FANCM: variants seen among roughly 807,000 people sequenced by gnomAD.
FANCM encodes the protein FA complementation group M, also known as Fanconi anemia group M protein.
Under a neutral mutation model 199.5 loss-of-function variants are expected in FANCM, and 140 were observed. That is an observed-to-expected ratio of 0.70 (90% CI 0.61 to 0.81). The LOEUF (loss-of-function observed/expected upper bound fraction) is 0.81. Ranked by LOEUF, FANCM falls within the 30% of genes least tolerant of loss-of-function variation. FANCM has a pLI of 0.00. For synonymous variants in FANCM, 840 were observed against 836.8 expected (o/e 1.00, Z -0.07); for missense variants, 2,410 against 2,421.4 (o/e 1.00, Z 0.10).
At position 45,159,244 on chromosome 14, in the gene FANCM, A is replaced by C. The variant is rs748414059; in HGVS notation, c.1545A>C (p.Lys515Asn). 6.2e-7 allele frequency: 1 copy of C among 1,613,846 alleles called. No individual in the cohort carries two copies. The highest frequency in any genetic ancestry group is 2.2e-5 in the East Asian group (1 of 44,868). ...VMTFVGHASG[K>N]STKGFTQKEQ... Reference sequence around the variant, plus strand: ...CTTTTGTCGGCCATGCCTCAGGGAAAAGCACGAAGGGTTTTACCCAGAAGG... The same window carrying C: ...CTTTTGTCGGCCATGCCTCAGGGAACAGCACGAAGGGTTTTACCCAGAAGG... Residue 515 changes from lysine to asparagine, a missense_variant, in exon 9 of 23, where the codon AAA becomes AAC. Coordinates refer to ENST00000267430, the MANE Select transcript of FANCM (RefSeq NM_020937.4).
intron 13 of FANCM, 142 bp from the exon 14 acceptor site, chr14:45,174,929 A>G (rs1330339398): frequency 5.2e-6 from 3 of 572,790 alleles, no homozygotes; most frequent in African/African-American, 3.8e-5. Context: ...ATTTATCGGA[A>G]TAACTTTTAA....
chr14:45,159,640 A>G (rs1887446318), intron 9 of FANCM, among the ~76,000 whole-genome samples: 1 of 152,168 alleles, frequency 6.6e-6, no homozygotes, highest in Non-Finnish European at 1.5e-5. Flanking sequence ...AAGAGATCTT[A>G]TTGTAGAGCC....
At chr14:45,199,743 C>A in intron 22 of FANCM, 127 bp from the exon 23 acceptor site, 2 of 792,472 alleles carry the variant, frequency 2.5e-6, no homozygotes, top group Non-Finnish European at 2.2e-6. Context: ...CAAGACATAT[C>A]AGCTGGGCGG....
intron 13 of FANCM, 53 bp downstream of exon 13, chr14:45,173,263 C>T: frequency 6.7e-7 from 1 of 1,482,310 alleles, no homozygotes; most frequent in African/African-American, 1.4e-5. Context: ...AACTAGAGTA[C>T]TTAGCTTTTA....
At chr14:45,154,306 C>T (rs1171049733) in intron 6 of FANCM, among the ~76,000 whole-genome samples, 9 of 149,930 alleles carry the variant, frequency 6.0e-5, no homozygotes, top group Non-Finnish European at 1.0e-4. Context: ...GAGACTGAGG[C>T]GGGAGAATCG....
chr14:45,192,995 T>A (rs1200199127), intron 20 of FANCM, among the ~76,000 whole-genome samples: 1 of 152,048 alleles, frequency 6.6e-6, no homozygotes. Flanking sequence ...CAAAAAAGAC[T>A]GAGAATGAGA....
At chr14:45,137,292 G>T (rs1207630630) in intron 2 of FANCM, 51 bp downstream of exon 2, 4 of 1,485,346 alleles carry the variant, frequency 2.7e-6, no homozygotes, top group East Asian at 4.5e-5. Context: ...CTGTTAAAGA[G>T]AATTTTGGCG....
intron 8 of FANCM, 40 bp downstream of exon 8, chr14:45,155,499 T>C (rs1188124204): frequency 1.9e-6 from 2 of 1,038,480 alleles, no homozygotes; most frequent in Non-Finnish European, 3.0e-6. Context: ...GACAAAGTTA[T>C]TGCAAGAGGT....
chr14:45,141,526 C>T (rs1356129041), intron 3 of FANCM, among the ~76,000 whole-genome samples: 11 of 137,370 alleles, frequency 8.0e-5, no homozygotes, highest in African/African-American at 2.9e-4. Context: ...CCTCCCCTTC[C>T]TCCTCCCTGT....
intron 6 of FANCM, 104 bp downstream of exon 6, chr14:45,154,156 T>G: frequency 1.2e-6 from 1 of 854,784 alleles, no homozygotes; most frequent in Non-Finnish European, 1.9e-6. Flanking sequence ...ATCCCAGCAC[T>G]TTGGGAAGCC....
chr14:45,158,976 T>A, intron 8 of FANCM, 120 bp from the exon 9 acceptor site: 1 of 686,398 alleles, frequency 1.5e-6, no homozygotes, highest in Non-Finnish European at 2.4e-6. Context: ...CCAGCTGAAT[T>A]ATTTTTTTGA....
intron 11 of FANCM, chr14:45,167,437 C>A: frequency 2.5e-6 from 1 of 395,286 alleles, no homozygotes; most frequent in Non-Finnish European, 4.6e-6. Flanking sequence ...AGAAAGAAAA[C>A]AGTTTTATTT....
At chr14:45,156,722 A>G (rs572740646) in intron 8 of FANCM, among the ~76,000 whole-genome samples, 7 of 152,182 alleles carry the variant, frequency 4.6e-5, no homozygotes, top group Admixed American at 4.6e-4. Flanking sequence ...AATCAAAACC[A>G]TCCTGGCCAA....
At chr14:45,144,511 T>C (rs149519249) in intron 3 of FANCM, among the ~76,000 whole-genome samples, 1 of 152,320 alleles carries the variant, frequency 6.6e-6, no homozygotes, top group Non-Finnish European at 1.5e-5. Flanking sequence ...CTTAGAAATC[T>C]ACCTTGTGCT....
At chr14:45,149,920 A>G (rs1014374531) in intron 4 of FANCM, among the ~76,000 whole-genome samples, 2 of 152,110 alleles carry the variant, frequency 1.3e-5, no homozygotes, top group African/African-American at 4.8e-5. Flanking sequence ...AACATCCTAC[A>G]ATGGATAGGA....
At chr14:45,181,971 C>T (rs187123899) in intron 16 of FANCM, among the ~76,000 whole-genome samples, 26 of 152,266 alleles carry the variant, frequency 1.7e-4, no homozygotes, top group Admixed American at 1.2e-3. Flanking sequence ...TTGAGCAATT[C>T]GGCAAGCATT....
intron 6 of FANCM, among the ~76,000 whole-genome samples, 184 bp from the exon 7 acceptor site, chr14:45,154,513 C>T (rs1887046131): frequency 6.6e-6 from 1 of 151,408 alleles, no homozygotes. Flanking sequence ...TTAATAAATT[C>T]CTGGAGAAAA....
Position 45,159,189 on chromosome 14 carries a change from C to T in FANCM, c.1490C>T (p.Ser497Leu), listed in dbSNP as rs1226481393. ...GTTCAAGAAATTGCAGAAATGCTTT[C>T]ACAGCATCAGCCAATTATTAGAGTA... ...DSVQEIAEML[S>L]QHQPIIRVMT... The change falls in exon 9 of 23, where the codon TCA becomes TTA. Residue 497 changes from serine to leucine, a missense_variant. Ser to Leu is a moderately radical substitution (Grantham distance 145). Transcript: ENST00000267430. 1.5e-5 allele frequency: 25 copies of T among 1,613,132 alleles called. No homozygotes were observed. The highest frequency in any genetic ancestry group is 2.0e-5 in the Non-Finnish European group (23 of 1,179,264).
intron 20 of FANCM, among the ~76,000 whole-genome samples, chr14:45,189,775 C>T (rs954762212): frequency 2.0e-5 from 3 of 152,032 alleles, no homozygotes; most frequent in Non-Finnish European, 2.9e-5. Flanking sequence ...TCAAGACTAG[C>T]CTGGCCAACA....
Sources: gnomAD v4.1 joint callset for allele counts (sites outside exome capture counted in the v4.1 genomes callset) on GRCh38, gnomAD v4.1.1 for gene constraint, MANE v1.5 for transcripts, NCBI Gene and HGNC (gene_info 2026-07-23, HGNC 2026-07-21) for gene names.